PTPRD: variants seen among roughly 807,000 people sequenced by gnomAD.
The protein encoded by PTPRD is protein tyrosine phosphatase receptor type D, also known as receptor-type tyrosine-protein phosphatase delta.
Under a neutral mutation model 214.5 loss-of-function variants are expected in PTPRD, and 34 were observed. The ratio of observed to expected loss-of-function variants is 0.16; its 90% CI spans 0.12 to 0.21. The LOEUF (loss-of-function observed/expected upper bound fraction) is 0.21, where lower values mean the gene tolerates loss of function less well. Among genes scored for constraint, PTPRD ranks in the 10% least tolerant of loss-of-function variants. The probability of loss-of-function intolerance (pLI) is 1.00; values close to 1 mark genes in which losing one functional copy is unlikely to be tolerated. For missense variants in PTPRD, 2,545 were observed against 2,398.7 expected (o/e 1.06, Z -1.27); for synonymous variants, 1,128 against 845.7 (o/e 1.33, Z -5.79).
At chr9:8,462,055 C>T (rs545266737) in intron 32 of PTPRD, among the ~76,000 whole-genome samples, 1 of 152,096 alleles carries the variant, frequency 6.6e-6, no homozygotes, top group Admixed American at 6.6e-5. Context: ...CAGAATCTGT[C>T]TCTTCATTAA....
At chr9:8,706,027 C>G (rs1597490978) in intron 12 of PTPRD, among the ~76,000 whole-genome samples, 1 of 152,288 alleles carries the variant, frequency 6.6e-6, no homozygotes, top group Middle Eastern at 3.4e-3. Context: ...CTACTGCTAT[C>G]TTGTCGACCA....
At chr9:8,946,373 GT>G (rs2099064394) in intron 11 of PTPRD, among the ~76,000 whole-genome samples, 1 of 152,108 alleles carries the variant, frequency 6.6e-6, no homozygotes, top group South Asian at 2.1e-4. Context: ...CGAGGGTTTT[GT>G]TGGAGTACTG....
rs186784066 is a variant in PTPRD, at chr9:9,957,982, A to G, written c.-471-19372T>C. Reference sequence around the variant, plus strand: ...AAGGGCAATTCAATGGGGAAAAGGTATCTTTCAGCAAATCTTGGAATGACT... The same window carrying G: ...AAGGGCAATTCAATGGGGAAAAGGTGTCTTTCAGCAAATCTTGGAATGACT... On this transcript the variant is annotated intron_variant, in intron 4 of 45. Transcript: ENST00000381196. Among the ~76,000 whole-genome samples the G allele has an allele frequency of 2.4e-3, 364 of 152,302 alleles. 1 individual carries two copies. Among genetic ancestry groups the G allele is most frequent in the African/African-American group, 8.2e-3 (343 of 41,578 alleles).
chr9:10,216,774 A>C (rs2099543209), intron 3 of PTPRD, among the ~76,000 whole-genome samples: 1 of 152,050 alleles, frequency 6.6e-6, no homozygotes, highest in Non-Finnish European at 1.5e-5. Flanking sequence ...AATCCCGAAA[A>C]GCAGTGATTT....
intron 9 of PTPRD, among the ~76,000 whole-genome samples, chr9:9,215,461 T>C (rs2099951566): frequency 6.6e-6 from 1 of 152,142 alleles, no homozygotes; most frequent in Non-Finnish European, 1.5e-5. Context: ...TATGAAAATA[T>C]ATTACAAAAT....
chr9:8,392,504 G>C (rs1007301111), intron 36 of PTPRD, among the ~76,000 whole-genome samples: 1 of 152,036 alleles, frequency 6.6e-6, no homozygotes. Context: ...TCATTCCTGG[G>C]CGACAGAGCA....
intron 9 of PTPRD, among the ~76,000 whole-genome samples, chr9:9,384,536 G>C (rs572758528): frequency 8.6e-5 from 13 of 151,402 alleles, no homozygotes; most frequent in African/African-American, 3.1e-4. Context: ...TGTAAAATAT[G>C]TTCCTTTCAT....
chr9:9,595,587 T>C (rs2154332556), intron 7 of PTPRD, among the ~76,000 whole-genome samples: 1 of 151,624 alleles, frequency 6.6e-6, no homozygotes, highest in Admixed American at 6.6e-5. Context: ...TATATACATA[T>C]ATATATGATG....
intron 10 of PTPRD, among the ~76,000 whole-genome samples, chr9:9,142,799 T>C (rs1357936240): frequency 1.3e-5 from 2 of 152,190 alleles, no homozygotes; most frequent in Non-Finnish European, 2.9e-5. Flanking sequence ...CCTGTATATT[T>C]CCATTTGCTC....
chr9:9,101,515 G>A lies in PTPRD; in HGVS notation c.-143+81789C>T, dbSNP rs1391708405. The stretch of plus-strand genomic sequence containing the variant: ...CATTAATGAGGTAGCAGAGCAGAGT[G>A]TGATGATAAAACCAAAGTGCTTGCT... On this transcript the variant is annotated intron_variant, in intron 10 of 45. Coordinates refer to ENST00000381196, the MANE Select transcript of PTPRD (RefSeq NM_002839.4). Among the ~76,000 whole-genome samples, 3 of 152,182 alleles carry A rather than the reference G, an allele frequency of 2.0e-5. No homozygotes were observed. In the East Asian group the frequency reaches 5.8e-4, roughly 29 times the overall value.
At chr9:8,985,943 G>C (rs1181830343) in intron 11 of PTPRD, among the ~76,000 whole-genome samples, 4 of 151,938 alleles carry the variant, frequency 2.6e-5, no homozygotes, top group Admixed American at 2.6e-4. Flanking sequence ...ATACATTTTT[G>C]CTCTATCATT....
intron 5 of PTPRD, among the ~76,000 whole-genome samples, chr9:9,883,518 C>T (rs964884008): frequency 6.6e-6 from 1 of 152,082 alleles, no homozygotes; most frequent in African/African-American, 2.4e-5. Flanking sequence ...TCAGGTACTT[C>T]CCGGTTTTCA....
intron 7 of PTPRD, among the ~76,000 whole-genome samples, chr9:9,725,454 T>C (rs1564794776): frequency 6.6e-6 from 1 of 152,152 alleles, no homozygotes. Context: ...TCTCAGCTTA[T>C]GTCGTTATCA....
At chr9:10,472,385 T>C (rs755221221) in intron 2 of PTPRD, among the ~76,000 whole-genome samples, 1 of 152,192 alleles carries the variant, frequency 6.6e-6, no homozygotes, top group African/African-American at 2.4e-5. Flanking sequence ...ATGGGTAACT[T>C]TGCATTCAAG....
At chr9:9,470,062 C>T (rs2094486023) in intron 8 of PTPRD, among the ~76,000 whole-genome samples, 1 of 152,124 alleles carries the variant, frequency 6.6e-6, no homozygotes, top group Non-Finnish European at 1.5e-5. Context: ...AGGCTTTTAT[C>T]TCAAGTGCAT....
intron 14 of PTPRD, among the ~76,000 whole-genome samples, chr9:8,589,583 C>T (rs1371327600): frequency 6.6e-6 from 1 of 152,280 alleles, no homozygotes; most frequent in East Asian, 1.9e-4. Context: ...TCACCATAAG[C>T]TATTTGTGAC....
At chr9:9,240,684 T>C (rs1358146765) in intron 9 of PTPRD, among the ~76,000 whole-genome samples, 1 of 152,174 alleles carries the variant, frequency 6.6e-6, no homozygotes, top group Non-Finnish European at 1.5e-5. Flanking sequence ...GATGCTAAAC[T>C]TTCTTTAAGT....
rs977527222 is a variant in PTPRD, at chr9:10,493,095, G to A, written c.-600+119303C>T. Among the ~76,000 whole-genome samples, 6 of 152,036 alleles carry A rather than the reference G, an allele frequency of 3.9e-5. No homozygotes were observed. The South Asian group carries it at 1.2e-3, about 31-fold the overall frequency. ...TTCAAACCCCTGCTGACGGAAATAA[G>A]AGAGCACAGAAACAAATGGAAAATC... On this transcript the variant is annotated intron_variant, in intron 2 of 45. Transcript: ENST00000381196.
At chr9:9,984,920 C>T (rs547941889) in intron 4 of PTPRD, among the ~76,000 whole-genome samples, 1 of 152,224 alleles carries the variant, frequency 6.6e-6, no homozygotes, top group South Asian at 2.1e-4. Context: ...AGGGGAGTGC[C>T]TTCTTCCTGC....
Sources: gnomAD v4.1 joint callset for allele counts (sites outside exome capture counted in the v4.1 genomes callset) on GRCh38, gnomAD v4.1.1 for gene constraint, MANE v1.5 for transcripts, NCBI Gene and HGNC (gene_info 2026-07-23, HGNC 2026-07-21) for gene names.